The following CARMIL1 variants were observed in gnomAD, a reference collection of about 807,000 sequenced individuals.
The protein encoded by CARMIL1 is capping protein regulator and myosin 1 linker 1.
A neutral mutation model predicts 177.1 loss-of-function variants in CARMIL1; 90 were observed. The observed-to-expected ratio is 0.51, with a 90% CI of 0.43 to 0.61. CARMIL1 has a LOEUF of 0.61. Ranked by LOEUF, CARMIL1 falls within the 20% of genes least tolerant of loss-of-function variation. CARMIL1 has a pLI of 0.00. For synonymous variants in CARMIL1, 577 were observed against 606.2 expected, an observed-to-expected ratio of 0.95 and a Z score of 0.71; for missense variants, 1,380 against 1,667.0, an observed-to-expected ratio of 0.83 and a Z score of 3.00.
At chr6:25,367,294 T>C (rs1229101984) in intron 2 of CARMIL1, among the ~76,000 whole-genome samples, 2 of 152,180 alleles carry the variant, frequency 1.3e-5, no homozygotes, top group African/African-American at 4.8e-5. Flanking sequence ...TCCCTATAGA[T>C]GCTGGTTAAA....
chr6:25,316,618 G>A (rs759352506), intron 2 of CARMIL1, among the ~76,000 whole-genome samples: 3 of 152,016 alleles, frequency 2.0e-5, no homozygotes, highest in Non-Finnish European at 4.4e-5. Context: ...CATCATGTTG[G>A]TCAGGCTGGT....
intron 9 of CARMIL1, 48 bp downstream of exon 9, chr6:25,465,996 C>T: frequency 7.1e-7 from 1 of 1,398,618 alleles, no homozygotes; most frequent in South Asian, 1.2e-5. Context: ...TGCTGAATTT[C>T]AAAAACCCAA....
chr6:25,559,331 GA>G (rs199975826), intron 29 of CARMIL1, among the ~76,000 whole-genome samples: 219 of 152,242 alleles, frequency 1.4e-3, no homozygotes, highest in African/African-American at 4.6e-3. Flanking sequence ...GCCATTGGGG[GA>G]AAAAAGTTTG....
intron 5 of CARMIL1, among the ~76,000 whole-genome samples, chr6:25,449,122 G>T (rs1487388718): frequency 6.6e-6 from 1 of 152,020 alleles, no homozygotes; most frequent in African/African-American, 2.4e-5. Flanking sequence ...GAATTCCTGG[G>T]CTCAAGTAAT....
intron 26 of CARMIL1, 51 bp from the exon 27 acceptor site, chr6:25,550,859 A>C: frequency 1.3e-6 from 2 of 1,502,364 alleles, no homozygotes; most frequent in Non-Finnish European, 1.8e-6. Context: ...TATGGCGGGC[A>C]CCTCGGGTGC....
chr6:25,480,930 C>T (rs1802067262), intron 11 of CARMIL1, among the ~76,000 whole-genome samples: 1 of 151,836 alleles, frequency 6.6e-6, no homozygotes, highest in Non-Finnish European at 1.5e-5. Context: ...CCGTGTTAGC[C>T]AGGATGGTCT....
chr6:25,616,616 T>C (rs2151353013), intron 36 of CARMIL1, among the ~76,000 whole-genome samples: 1 of 152,276 alleles, frequency 6.6e-6, no homozygotes, highest in East Asian at 1.9e-4. Flanking sequence ...CACGCATACA[T>C]ACATACATAC....
At chr6:25,524,276 A>T (rs953543718) in intron 23 of CARMIL1, among the ~76,000 whole-genome samples, 2 of 152,218 alleles carry the variant, frequency 1.3e-5, no homozygotes, top group Admixed American at 1.3e-4. Flanking sequence ...AAAACTAATC[A>T]TAAGATTATA....
At chr6:25,531,214 T>A (rs929554897) in intron 24 of CARMIL1, among the ~76,000 whole-genome samples, 14 of 152,250 alleles carry the variant, frequency 9.2e-5, no homozygotes, top group Non-Finnish European at 1.8e-4. Context: ...AATTTTTCTC[T>A]GCAAATTGAA....
chr6:25,589,573 C>T (rs1814106936), intron 31 of CARMIL1, among the ~76,000 whole-genome samples: 1 of 152,124 alleles, frequency 6.6e-6, no homozygotes, highest in Admixed American at 6.6e-5. Flanking sequence ...CTACCACCTC[C>T]CCCTCCCAGG....
At chr6:25,492,490 CA>C (rs1032709333) in intron 15 of CARMIL1, among the ~76,000 whole-genome samples, 6 of 152,194 alleles carry the variant, frequency 3.9e-5, no homozygotes, top group African/African-American at 1.4e-4. Context: ...CAGAATAAGG[CA>C]GTAGATTAGA....
intron 2 of CARMIL1, among the ~76,000 whole-genome samples, chr6:25,345,972 T>A (rs1370208205): frequency 1.3e-5 from 2 of 152,162 alleles, no homozygotes; most frequent in South Asian, 2.1e-4. Flanking sequence ...TCCTATAGGC[T>A]CTATCTTCAA....
intron 2 of CARMIL1, among the ~76,000 whole-genome samples, chr6:25,334,321 TAGAG>T (rs1273848025): frequency 1.3e-5 from 2 of 152,200 alleles, no homozygotes. Flanking sequence ...ATTAATTACT[TAGAG>T]AGAGTGAATG....
chr6:25,377,311 C>G (rs1791088124), intron 2 of CARMIL1, among the ~76,000 whole-genome samples: 1 of 152,212 alleles, frequency 6.6e-6, no homozygotes, highest in South Asian at 2.1e-4. Flanking sequence ...AACTGTGCCT[C>G]TGCTAAAAGA....
At chr6:25,319,538 AG>A (rs1784526012) in intron 2 of CARMIL1, among the ~76,000 whole-genome samples, 1 of 152,000 alleles carries the variant, frequency 6.6e-6, no homozygotes, top group African/African-American at 2.4e-5. Flanking sequence ...TCAGTAGGGG[AG>A]GGCAGTGCAC....
intron 3 of CARMIL1, 112 bp downstream of exon 3, chr6:25,420,276 A>G: frequency 3.3e-6 from 3 of 914,428 alleles, no homozygotes; most frequent in Admixed American, 1.7e-5. Context: ...ATATACTGCA[A>G]CACAACACAC....
chr6:25,541,626 A>G (rs1562267572), intron 26 of CARMIL1, among the ~76,000 whole-genome samples: 2 of 152,076 alleles, frequency 1.3e-5, no homozygotes, highest in African/African-American at 2.4e-5. Flanking sequence ...ATATTTTTCA[A>G]TGTAATGGGA....
At chr6:25,510,887 T>C in intron 20 of CARMIL1, 125 bp downstream of exon 20, 1 of 626,392 alleles carries the variant, frequency 1.6e-6, no homozygotes, top group Non-Finnish European at 2.7e-6. Flanking sequence ...TTTCCATTAC[T>C]TTTTAAAAAT....
chr6:25,338,027 C>G (rs887022774), intron 2 of CARMIL1, among the ~76,000 whole-genome samples: 1 of 152,044 alleles, frequency 6.6e-6, no homozygotes, highest in African/African-American at 2.4e-5. Context: ...GAGGCTGAGG[C>G]GGGTGGACCA....
Sources: gnomAD v4.1 joint callset for allele counts (sites outside exome capture counted in the v4.1 genomes callset) on GRCh38, gnomAD v4.1.1 for gene constraint, MANE v1.5 for transcripts, NCBI Gene and HGNC (gene_info 2026-07-23, HGNC 2026-07-21) for gene names.